The following FERMT2 variants were observed in gnomAD, a reference collection of about 807,000 sequenced individuals.
FERMT2 encodes the protein FERM domain containing kindlin 2.
A neutral mutation model predicts 82.7 loss-of-function variants in FERMT2; 15 were observed. The ratio of observed to expected loss-of-function variants is 0.18; its 90% confidence interval spans 0.12 to 0.28. FERMT2 has a LOEUF of 0.28. FERMT2 is among the 10% of genes least tolerant of loss of function. The pLI is 1.00. For missense variants in FERMT2, 645 were observed against 809.4 expected, an observed-to-expected ratio of 0.80 and a Z score of 2.46; for synonymous variants, 274 against 271.5, an observed-to-expected ratio of 1.01 and a Z score of -0.09.
At chr14:52,883,748 G>A (rs1425318199) in intron 4 of FERMT2, among the ~76,000 whole-genome samples, 5 of 152,180 alleles carry the variant, frequency 3.3e-5, no homozygotes, top group Non-Finnish European at 7.3e-5. Flanking sequence ...AATCACAGGG[G>A]TGGAGTTCTC....
rs564590158 is a variant in FERMT2 at position 52,907,059 on chromosome 14, T to C, written c.391+12064A>G. 5.3e-5 allele frequency among the ~76,000 whole-genome samples: 8 copies of C among 151,610 alleles called. 1 individual carries two copies. In the South Asian group the frequency reaches 1.3e-3, roughly 24 times the overall value. On this transcript the variant is annotated intron_variant, in intron 3 of 14. Coordinates refer to ENST00000341590, the MANE Select transcript of FERMT2 (RefSeq NM_006832.3). ...ACAGGGTCTCCCTCTGTTGCCCAAG[T>C]TGGGGTGCAGTCACACAATCTCAAC...
At chr14:52,940,205 A>G (rs1345915630) in intron 2 of FERMT2, among the ~76,000 whole-genome samples, 1 of 152,228 alleles carries the variant, frequency 6.6e-6, no homozygotes, top group African/African-American at 2.4e-5. Context: ...ATGCACTGAC[A>G]CTGGCTGGTC....
At chr14:52,946,232 T>C (rs532828113) in intron 2 of FERMT2, among the ~76,000 whole-genome samples, 1 of 152,324 alleles carries the variant, frequency 6.6e-6, no homozygotes, top group South Asian at 2.1e-4. Context: ...GGGCCTCTTC[T>C]TGACAAAATT....
At chr14:52,930,709 C>T (rs1385940961) in intron 2 of FERMT2, among the ~76,000 whole-genome samples, 3 of 152,130 alleles carry the variant, frequency 2.0e-5, no homozygotes, top group Non-Finnish European at 2.9e-5. Context: ...CTTTACTAAA[C>T]GATGACAATA....
chr14:52,901,320 G>C (rs546388093), intron 3 of FERMT2, among the ~76,000 whole-genome samples: 104 of 146,368 alleles, frequency 7.1e-4, no homozygotes, highest in African/African-American at 2.5e-3. Context: ...TTAAACATAG[G>C]AACAGCCAGC....
chr14:52,938,495 T>C (rs1410370737), intron 2 of FERMT2, among the ~76,000 whole-genome samples: 6 of 152,202 alleles, frequency 3.9e-5, no homozygotes, highest in Non-Finnish European at 7.4e-5. Context: ...GAAGTTAAAA[T>C]AACTTGCCCA....
intron 2 of FERMT2, among the ~76,000 whole-genome samples, chr14:52,940,230 T>C (rs1038117086): frequency 3.9e-5 from 6 of 152,062 alleles, no homozygotes; most frequent in African/African-American, 1.4e-4. Context: ...TGTATCTAAA[T>C]GACAGATAAT....
intron 3 of FERMT2, among the ~76,000 whole-genome samples, chr14:52,906,458 T>C (rs1888017070): frequency 6.8e-6 from 1 of 147,014 alleles, no homozygotes. Flanking sequence ...CCAAGTAATT[T>C]GGTGATCAGA....
At chr14:52,950,387 TG>T (rs1277640027) in intron 2 of FERMT2, 24 bp downstream of exon 2, 1 of 1,606,474 alleles carries the variant, frequency 6.2e-7, no homozygotes, top group Non-Finnish European at 8.5e-7. Context: ...AGTCATTAGT[TG>T]GACGCGGCTG....
At chr14:52,942,647 C>T (rs1890147126) in intron 2 of FERMT2, among the ~76,000 whole-genome samples, 1 of 152,048 alleles carries the variant, frequency 6.6e-6, no homozygotes, top group African/African-American at 2.4e-5. Context: ...TCAAAACCCA[C>T]TCAGGTTGGA....
At chr14:52,863,052 T>TTTAAAAATA (rs1885050770) in intron 12 of FERMT2, 1 of 39,354 alleles carries the variant, frequency 2.5e-5, no homozygotes, top group Admixed American at 3.3e-4. Context: ...GTATAAATAA[T>TTTAAAAATA]TTTAAAAAAC....
chr14:52,942,267 A>T (rs1451167496), intron 2 of FERMT2, among the ~76,000 whole-genome samples: 3 of 151,642 alleles, frequency 2.0e-5, no homozygotes, highest in Non-Finnish European at 4.4e-5. Flanking sequence ...TATCTCATTT[A>T]ATTCTCACCA....
chr14:52,865,314 T>A (rs1000881983), intron 10 of FERMT2, among the ~76,000 whole-genome samples: 7 of 152,080 alleles, frequency 4.6e-5, no homozygotes, highest in East Asian at 1.9e-4. Context: ...AAAGCGAAAC[T>A]CTCTCTTCAG....
At chr14:52,949,891 A>T (rs1335596069) in intron 2 of FERMT2, among the ~76,000 whole-genome samples, 1 of 152,198 alleles carries the variant, frequency 6.6e-6, no homozygotes, top group Non-Finnish European at 1.5e-5. Flanking sequence ...GGATGACTGG[A>T]ACATTTTAAT....
intron 3 of FERMT2, among the ~76,000 whole-genome samples, chr14:52,905,120 C>A (rs1353433702): frequency 6.8e-6 from 1 of 146,282 alleles, no homozygotes; most frequent in Non-Finnish European, 1.5e-5. Flanking sequence ...ACCGGGGAGG[C>A]AGAGGTTTCA....
chr14:52,901,548 A>G lies in FERMT2; in HGVS notation c.392-8121T>C, dbSNP rs1387916263. 2.6e-5 allele frequency among the ~76,000 whole-genome samples: 4 copies of G among 152,308 alleles called. No individual in the cohort carries two copies. The East Asian group carries it at 7.7e-4, about 29-fold the overall frequency. On this transcript the variant is annotated intron_variant, in intron 3 of 14. Transcript: ENST00000341590. ...ATGAGGCCTCCAGCACAGAAGAGGC[A>G]GGAAGAAGAGAGATGAGACAGAAGG...
At chr14:52,922,112 G>C (rs773459018) in intron 2 of FERMT2, among the ~76,000 whole-genome samples, 1 of 152,254 alleles carries the variant, frequency 6.6e-6, no homozygotes, top group Middle Eastern at 3.4e-3. Flanking sequence ...CACACTTGAG[G>C]GGATCAGTGA....
intron 12 of FERMT2, among the ~76,000 whole-genome samples, chr14:52,864,095 G>A (rs867406010): frequency 6.6e-6 from 1 of 151,958 alleles, no homozygotes; most frequent in Non-Finnish European, 1.5e-5. Flanking sequence ...GGGACCAGAA[G>A]TATTTTGGGT....
At chr14:52,898,912 C>T (rs1236539189) in intron 3 of FERMT2, among the ~76,000 whole-genome samples, 1 of 152,212 alleles carries the variant, frequency 6.6e-6, no homozygotes, top group Non-Finnish European at 1.5e-5. Flanking sequence ...GTAAGGCAAG[C>T]ATTACATTTC....
Sources: allele counts gnomAD v4.1 joint callset (sites outside exome capture counted in the v4.1 genomes callset), GRCh38; gene constraint gnomAD v4.1.1; transcripts MANE v1.5; gene names NCBI Gene and HGNC (gene_info 2026-07-23, HGNC 2026-07-21).